The following TLL2 variants were observed in gnomAD, a reference collection of about 807,000 sequenced individuals.
TLL2 encodes tolloid-like protein 2.
Under a neutral mutation model 123.0 loss-of-function variants are expected in TLL2, and 106 were observed. The observed-to-expected ratio is 0.86, with a 90% CI of 0.74 to 1.01. The LOEUF is 1.01. Ranked by LOEUF, TLL2 falls within the 50% of genes least tolerant of loss-of-function variation. The probability of loss-of-function intolerance (pLI) is 0.00; values close to 1 mark genes in which losing one functional copy is unlikely to be tolerated. For missense variants in TLL2, 1,332 were observed against 1,336.7 expected (o/e 1.00, Z 0.06); for synonymous variants, 494 against 516.8 (o/e 0.96, Z 0.60).
At chr10:96,506,266 G>GAA (rs386372173) in intron 1 of TLL2, among the ~76,000 whole-genome samples, 2 of 92,712 alleles carry the variant, frequency 2.2e-5, no homozygotes, top group Non-Finnish European at 4.0e-5. Context: ...AAAAAAAAAA[G>GAA]AAAAAAAAAA....
intron 1 of TLL2, among the ~76,000 whole-genome samples, chr10:96,494,611 C>T (rs1223328546): frequency 6.6e-6 from 1 of 152,240 alleles, no homozygotes; most frequent in African/African-American, 2.4e-5. Context: ...AGTCAGCTTC[C>T]TACCCGTGGA....
chr10:96,482,780 T>G (rs943441930), intron 1 of TLL2, among the ~76,000 whole-genome samples: 1 of 152,212 alleles, frequency 6.6e-6, no homozygotes, highest in African/African-American at 2.4e-5. Flanking sequence ...TAAAATCGCA[T>G]GTACACTTAC....
chr10:96,417,364 C>A (rs1298849806), intron 7 of TLL2, among the ~76,000 whole-genome samples: 1 of 152,196 alleles, frequency 6.6e-6, no homozygotes, highest in Non-Finnish European at 1.5e-5. Flanking sequence ...CATCCACCTG[C>A]AACAAAACAG....
intron 3 of TLL2, 108 bp from the exon 4 acceptor site, chr10:96,433,070 C>G: frequency 4.9e-6 from 7 of 1,430,498 alleles, no homozygotes; most frequent in Non-Finnish European, 4.8e-6. Flanking sequence ...AAAACATGTT[C>G]CAAAGGGGCT....
Position 96,510,456 on chromosome 10 carries a change from G to A in TLL2, c.175+3055C>T, listed in dbSNP as rs1343310902. On this transcript the variant is annotated intron_variant, in intron 1 of 20. Coordinates refer to ENST00000357947, the MANE Select transcript of TLL2 (RefSeq NM_012465.4). ...ACAGCATCAAATAGATTGTCTATTAGCAAATTTAAATTTTCCAGCTTAAAA... is the reference window on the plus strand; with the variant it reads ...ACAGCATCAAATAGATTGTCTATTAACAAATTTAAATTTTCCAGCTTAAAA... Among the ~76,000 whole-genome samples the A allele has an allele frequency of 2.6e-5, 4 of 152,180 alleles. No homozygotes were observed. In the East Asian group the frequency reaches 7.7e-4, roughly 29 times the overall value.
intron 19 of TLL2, 85 bp from the exon 20 acceptor site, chr10:96,370,400 G>T: frequency 6.8e-7 from 1 of 1,466,568 alleles, no homozygotes; most frequent in Non-Finnish European, 9.0e-7. Flanking sequence ...TCTCTACAGA[G>T]CCTGGTGCGT....
intron 3 of TLL2, among the ~76,000 whole-genome samples, chr10:96,435,977 A>G (rs1846791692): frequency 6.6e-6 from 1 of 152,198 alleles, no homozygotes; most frequent in Non-Finnish European, 1.5e-5. Flanking sequence ...ATTTCAAAGT[A>G]TGGGTTTTAA....
At chr10:96,440,042 T>C (rs117556977) in intron 3 of TLL2, among the ~76,000 whole-genome samples, 1,692 of 152,332 alleles carry the variant, frequency 0.011, 20 homozygotes, top group Non-Finnish European at 0.017. Flanking sequence ...CTGCTCTCCA[T>C]AGTCAGAGCA....
intron 3 of TLL2, 128 bp from the exon 4 acceptor site, chr10:96,433,090 G>A (rs1216180331): frequency 1.5e-5 from 19 of 1,304,994 alleles, no homozygotes; most frequent in Non-Finnish European, 1.9e-5. Context: ...TATTTCATCA[G>A]TTCAGGGTTT....
intron 4 of TLL2, among the ~76,000 whole-genome samples, chr10:96,430,235 C>T (rs1292206352): frequency 3.3e-5 from 5 of 152,182 alleles, no homozygotes; most frequent in Admixed American, 3.3e-4. Flanking sequence ...TGAGCTCTCG[C>T]TCTGAGTTCA....
chr10:96,409,473 AG>A (rs1846480971), intron 9 of TLL2, among the ~76,000 whole-genome samples: 1 of 152,230 alleles, frequency 6.6e-6, no homozygotes, highest in Admixed American at 6.5e-5. Context: ...AGATTTGTAG[AG>A]ACATGTAGCA....
Position 96,373,747 on chromosome 10 carries a change from A to G in TLL2, c.2511T>C (p.Tyr837=), listed in dbSNP as rs201905179. 1.2e-6 allele frequency: 2 copies of G among 1,614,266 alleles called. No individual in the cohort carries two copies. The highest frequency in any genetic ancestry group is 1.7e-6 in the Non-Finnish European group (2 of 1,180,060). Residue 837 remains tyrosine, a synonymous_variant, in exon 19 of 21, where the codon TAT becomes TAC. Coordinates refer to ENST00000357947, the MANE Select transcript of TLL2 (RefSeq NM_012465.4). ...TGGGGGCCAGGCTGTCCGGCCCGTC[A>G]TACATTTCCAGGTGGTCATAGGCAC... ...QECAYDHLEM[Y]DGPDSLAPIL...
intron 1 of TLL2, among the ~76,000 whole-genome samples, chr10:96,504,785 T>C (rs1196360444): frequency 6.6e-6 from 1 of 152,188 alleles, no homozygotes; most frequent in African/African-American, 2.4e-5. Flanking sequence ...AGTGAGCAGA[T>C]CACGAGGTCA....
At chr10:96,398,121 G>A (rs1846358497) in intron 10 of TLL2, among the ~76,000 whole-genome samples, 1 of 152,164 alleles carries the variant, frequency 6.6e-6, no homozygotes, top group Admixed American at 6.5e-5. Flanking sequence ...AGCTCTTCAG[G>A]CAAAGTGTGG....
At chr10:96,486,903 T>C (rs531295696) in intron 1 of TLL2, among the ~76,000 whole-genome samples, 1 of 152,318 alleles carries the variant, frequency 6.6e-6, no homozygotes, top group South Asian at 2.1e-4. Flanking sequence ...GCTGGCTTCG[T>C]CTCCATCTCC....
intron 4 of TLL2, among the ~76,000 whole-genome samples, chr10:96,430,340 G>A (rs928090630): frequency 1.3e-5 from 2 of 152,158 alleles, no homozygotes; most frequent in Non-Finnish European, 2.9e-5. Context: ...GTTGCCTTCC[G>A]CCATGATTGC....
intron 2 of TLL2, among the ~76,000 whole-genome samples, chr10:96,446,808 G>A (rs1846900866): frequency 1.3e-5 from 2 of 152,182 alleles, no homozygotes; most frequent in Admixed American, 1.3e-4. Flanking sequence ...GTCTCTACCA[G>A]GAATGTGGCC....
chr10:96,467,174 T>C (rs374627464), intron 2 of TLL2, among the ~76,000 whole-genome samples: 6 of 152,264 alleles, frequency 3.9e-5, no homozygotes, highest in African/African-American at 1.4e-4. Flanking sequence ...AGATGCTAAG[T>C]TTAAAAATTT....
chr10:96,444,560 T>C (rs909539535), intron 3 of TLL2, among the ~76,000 whole-genome samples: 7 of 152,220 alleles, frequency 4.6e-5, no homozygotes, highest in African/African-American at 1.7e-4. Flanking sequence ...CTTATATACA[T>C]ATATCTCTGT....
Sources: allele counts gnomAD v4.1 joint callset (sites outside exome capture counted in the v4.1 genomes callset), GRCh38; gene constraint gnomAD v4.1.1; transcripts MANE v1.5; gene names NCBI Gene and HGNC (gene_info 2026-07-23, HGNC 2026-07-21).